The following TM4SF4 variants were observed in gnomAD, a reference collection of about 807,000 sequenced individuals.
TM4SF4 encodes transmembrane 4 L6 family member 4.
A neutral mutation model predicts 24.1 loss-of-function variants in TM4SF4; 24 were observed. The observed-to-expected ratio is 1.00, with a 90% CI of 0.72 to 1.40. The LOEUF is 1.40. Ranked by LOEUF, TM4SF4 falls within the 40% of genes most tolerant of loss-of-function variation. The probability of loss-of-function intolerance (pLI) is 0.00; values close to 1 mark genes in which losing one functional copy is unlikely to be tolerated. For missense variants in TM4SF4, 254 were observed against 254.2 expected, an observed-to-expected ratio of 1.00 and a Z score of 0.01; for synonymous variants, 113 against 97.0, an observed-to-expected ratio of 1.17 and a Z score of -0.97.
intron 4 of TM4SF4, among the ~76,000 whole-genome samples, chr3:149,500,337 A>G (rs1734395666): frequency 6.6e-6 from 1 of 151,992 alleles, no homozygotes; most frequent in African/African-American, 2.4e-5. Flanking sequence ...CCTTTAATCT[A>G]GCCTATAGTA....
intron 2 of TM4SF4, among the ~76,000 whole-genome samples, chr3:149,483,403 C>T (rs1052339156): frequency 6.6e-6 from 1 of 151,940 alleles, no homozygotes; most frequent in Non-Finnish European, 1.5e-5. Flanking sequence ...TGGCTTGAGA[C>T]CAGGAGTTCG....
At chr3:149,484,754 A>G (rs1368941637) in intron 2 of TM4SF4, among the ~76,000 whole-genome samples, 1 of 152,102 alleles carries the variant, frequency 6.6e-6, no homozygotes. Flanking sequence ...GGGTTTCACC[A>G]TATTGGCCAG....
chr3:149,492,503 C>T (rs1407364351), intron 3 of TM4SF4, among the ~76,000 whole-genome samples: 1 of 152,086 alleles, frequency 6.6e-6, no homozygotes, highest in Admixed American at 6.5e-5. Flanking sequence ...AATTGGCCAT[C>T]CCTCCCTTGA....
intron 2 of TM4SF4, among the ~76,000 whole-genome samples, chr3:149,486,028 A>T (rs1452953266): frequency 1.3e-5 from 2 of 152,240 alleles, no homozygotes; most frequent in African/African-American, 2.4e-5. Context: ...GACTTTTTTT[A>T]AAAGTTGCAT....
chr3:149,492,093 T>C (rs1734220741), intron 3 of TM4SF4, among the ~76,000 whole-genome samples: 1 of 151,988 alleles, frequency 6.6e-6, no homozygotes, highest in East Asian at 1.9e-4. Context: ...TAAAGAGAGA[T>C]AAAAGCTGGC....
At chr3:149,490,457 C>G (rs1167750403) in intron 3 of TM4SF4, among the ~76,000 whole-genome samples, 1 of 152,214 alleles carries the variant, frequency 6.6e-6, no homozygotes, top group Non-Finnish European at 1.5e-5. Context: ...TTGTTTAACT[C>G]TCCTTCAGAG....
intron 3 of TM4SF4, among the ~76,000 whole-genome samples, chr3:149,493,119 G>T (rs1734243313): frequency 1.3e-5 from 2 of 152,084 alleles, no homozygotes; most frequent in Non-Finnish European, 2.9e-5. Flanking sequence ...GCTTGATTCA[G>T]CCTTATTATT....
intron 2 of TM4SF4, among the ~76,000 whole-genome samples, chr3:149,476,699 C>G (rs1308534429): frequency 6.6e-6 from 1 of 152,170 alleles, no homozygotes; most frequent in East Asian, 1.9e-4. Flanking sequence ...AATGTCATTC[C>G]CATTCAATTC....
chr3:149,494,637 A>G (rs998394037), intron 3 of TM4SF4: 1 of 152,336 alleles, frequency 6.6e-6, no homozygotes, highest in Non-Finnish European at 1.5e-5. Flanking sequence ...TGTCATGAAA[A>G]CCACCCCTAA....
chr3:149,477,962 G>A (rs4577407), intron 2 of TM4SF4, among the ~76,000 whole-genome samples: 52,951 of 151,876 alleles, frequency 0.35, 9,849 homozygotes, highest in Non-Finnish European at 0.42. Context: ...CTGGTGCTGA[G>A]TAAAAGGCTA....
chr3:149,480,022 T>C (rs1007077648), intron 2 of TM4SF4, among the ~76,000 whole-genome samples: 2 of 152,128 alleles, frequency 1.3e-5, no homozygotes, highest in Non-Finnish European at 2.9e-5. Flanking sequence ...GCCGAGAAAA[T>C]GGCTCTCCTC....
intron 2 of TM4SF4, among the ~76,000 whole-genome samples, chr3:149,479,960 A>G (rs1052202650): frequency 2.6e-5 from 4 of 152,210 alleles, no homozygotes; most frequent in African/African-American, 9.6e-5. Flanking sequence ...ATAAAGCAAG[A>G]CAATAAGCTG....
intron 4 of TM4SF4, among the ~76,000 whole-genome samples, chr3:149,500,602 A>G (rs984859597): frequency 2.6e-5 from 4 of 152,242 alleles, no homozygotes; most frequent in Admixed American, 2.0e-4. Context: ...GAGCATTTAT[A>G]TCTTGTAATT....
intron 2 of TM4SF4, among the ~76,000 whole-genome samples, chr3:149,479,216 C>A (rs1038846633): frequency 9.2e-5 from 14 of 152,148 alleles, no homozygotes; most frequent in Non-Finnish European, 1.5e-5. Flanking sequence ...CTCCACAGGG[C>A]CCACCCTGGC....
intron 3 of TM4SF4, chr3:149,494,834 G>C (rs1223319928): frequency 6.5e-6 from 1 of 152,672 alleles, no homozygotes; most frequent in Non-Finnish European, 1.5e-5. Context: ...GTATGCTTGG[G>C]TCTTGAATAA....
chr3:149,474,980 G>C lies in TM4SF4; in HGVS notation c.103G>C (p.Val35Leu), dbSNP rs1560027482. 1 of 1,613,948 alleles carries C rather than the reference G, an allele frequency of 6.2e-7. No homozygotes were observed. The highest frequency in any genetic ancestry group is 2.2e-5 in the East Asian group (1 of 44,874). Residue 35 changes from valine to leucine, a missense_variant, in exon 1 of 5, where the codon GTG becomes CTG. Val to Leu is a conservative substitution (Grantham distance 32). Transcript: ENST00000305354. ...NILLFFPGGK[V>L]IDDNDHLSQE... ...CCTGTTATTTTTTCCTGGAGGAAAA[G>C]TGATAGATGACAACGACCACCTTTC... is the stretch of plus-strand genomic sequence containing the variant.
intron 2 of TM4SF4, among the ~76,000 whole-genome samples, chr3:149,485,489 C>G (rs1333090392): frequency 6.6e-6 from 1 of 152,190 alleles, no homozygotes; most frequent in Non-Finnish European, 1.5e-5. Context: ...AAACATGCAA[C>G]AAGTCATTAT....
At chr3:149,484,307 C>T (rs1301493318) in intron 2 of TM4SF4, among the ~76,000 whole-genome samples, 2 of 152,156 alleles carry the variant, frequency 1.3e-5, no homozygotes, top group Non-Finnish European at 2.9e-5. Flanking sequence ...AACATTCCTC[C>T]TACAGGTACA....
At chr3:149,488,197 T>A in intron 3 of TM4SF4, among the ~76,000 whole-genome samples, 1 of 152,212 alleles carries the variant, frequency 6.6e-6, no homozygotes. Context: ...AAACAATCAT[T>A]TAAGTGCAAA....
Sources: gnomAD v4.1 joint callset for allele counts (sites outside exome capture counted in the v4.1 genomes callset) on GRCh38, gnomAD v4.1.1 for gene constraint, MANE v1.5 for transcripts, NCBI Gene and HGNC (gene_info 2026-07-23, HGNC 2026-07-21) for gene names.